ARHGAP24: variants seen among roughly 807,000 people sequenced by gnomAD.
ARHGAP24 encodes the protein Rho GTPase activating protein 24, also known as rho GTPase-activating protein 24.
Under a neutral mutation model 76.4 loss-of-function variants are expected in ARHGAP24, and 50 were observed. The observed-to-expected ratio is 0.65, with a 90% CI of 0.52 to 0.83. ARHGAP24 has a LOEUF of 0.83. Ranked by LOEUF, ARHGAP24 falls within the 40% of genes least tolerant of loss-of-function variation. The pLI, the probability that ARHGAP24 is intolerant of heterozygous loss-of-function variation, is 0.00. For missense variants in ARHGAP24, 930 were observed against 914.2 expected, an observed-to-expected ratio of 1.02 and a Z score of -0.22; for synonymous variants, 345 against 323.3, an observed-to-expected ratio of 1.07 and a Z score of -0.72.
At chr4:85,981,997 G>A (rs1201402686) in intron 8 of ARHGAP24, among the ~76,000 whole-genome samples, 4 of 151,984 alleles carry the variant, frequency 2.6e-5, no homozygotes, top group Non-Finnish European at 4.4e-5. Flanking sequence ...CTGACATCAT[G>A]CAGGCCTTGT....
rs1735850369 is a variant in ARHGAP24 at position 85,923,568 on chromosome 4, G to A, written c.269-80G>A. ...GCGGGCTGTATTAGGCACAGTCTCTGTTTCAGGGGTTCTTCTGGAGGCTGA... is the reference window on the plus strand; with the variant it reads ...GCGGGCTGTATTAGGCACAGTCTCTATTTCAGGGGTTCTTCTGGAGGCTGA... On this transcript the variant is annotated intron_variant, in intron 3 of 9. Coordinates refer to ENST00000395184, the MANE Select transcript of ARHGAP24 (RefSeq NM_001025616.3). 1.9e-6 allele frequency: 3 copies of A among 1,594,360 alleles called. No homozygotes were observed. In the South Asian group the frequency reaches 3.4e-5, roughly 18 times the overall value.
intron 3 of ARHGAP24, among the ~76,000 whole-genome samples, chr4:85,878,809 T>A (rs1733080297): frequency 6.6e-6 from 1 of 152,220 alleles, no homozygotes; most frequent in South Asian, 2.1e-4. Flanking sequence ...TAAGTTTGTC[T>A]TCTCCCTGCA....
chr4:85,581,108 A>G (rs998439761), intron 2 of ARHGAP24, among the ~76,000 whole-genome samples: 2 of 152,148 alleles, frequency 1.3e-5, no homozygotes, highest in African/African-American at 2.4e-5. Flanking sequence ...TCTTATGATT[A>G]TTAACTTGAA....
At chr4:85,937,254 G>C (rs1030847558) in intron 4 of ARHGAP24, among the ~76,000 whole-genome samples, 4 of 152,196 alleles carry the variant, frequency 2.6e-5, no homozygotes, top group African/African-American at 9.7e-5. Flanking sequence ...TGAAGGAAGA[G>C]GAATGTAGGT....
intron 2 of ARHGAP24, among the ~76,000 whole-genome samples, chr4:85,697,862 T>A (rs764014754): frequency 9.9e-5 from 15 of 151,916 alleles, no homozygotes; most frequent in Non-Finnish European, 2.1e-4. Context: ...TGAAGGGAGG[T>A]GTCAGAGAGT....
At chr4:85,588,182 G>C (rs542560051) in intron 2 of ARHGAP24, among the ~76,000 whole-genome samples, 3 of 152,322 alleles carry the variant, frequency 2.0e-5, no homozygotes, top group South Asian at 4.1e-4. Flanking sequence ...AAGAGGCAGA[G>C]TTGCTTTTCT....
intron 1 of ARHGAP24, among the ~76,000 whole-genome samples, chr4:85,491,652 G>C (rs905034063): frequency 1.3e-5 from 2 of 152,158 alleles, no homozygotes; most frequent in Non-Finnish European, 2.9e-5. Flanking sequence ...GGAACTGATG[G>C]TTTTTATCTA....
At position 85,886,993 on chromosome 4, in the gene ARHGAP24, A is replaced by G. The variant is rs1403609606; in HGVS notation, c.269-36655A>G. On this transcript the variant is annotated intron_variant, in intron 3 of 9. Transcript: ENST00000395184. ...TCATTATCAATCAGATAATGATTGCATTGACTAGCTTTGGTACCATTTTTA... is the reference window on the plus strand; with the variant it reads ...TCATTATCAATCAGATAATGATTGCGTTGACTAGCTTTGGTACCATTTTTA... Among the ~76,000 whole-genome samples, 5 of 152,106 alleles carry G rather than the reference A, an allele frequency of 3.3e-5. No individual in the cohort carries two copies. In the East Asian group the frequency reaches 9.6e-4, roughly 29 times the overall value.
intron 3 of ARHGAP24, among the ~76,000 whole-genome samples, chr4:85,837,640 C>T (rs1293291237): frequency 6.6e-6 from 1 of 152,124 alleles, no homozygotes; most frequent in Non-Finnish European, 1.5e-5. Context: ...TTGCAGTTCT[C>T]ATGGGGGTGG....
intron 3 of ARHGAP24, among the ~76,000 whole-genome samples, chr4:85,730,972 C>G (rs928526749): frequency 2.4e-4 from 35 of 148,646 alleles, no homozygotes; most frequent in African/African-American, 7.5e-4. Flanking sequence ...TACAATGACT[C>G]ATTTAATATA....
chr4:85,485,347 C>A (rs1422791261), intron 1 of ARHGAP24, among the ~76,000 whole-genome samples: 2 of 6,724 alleles, frequency 3.0e-4, no homozygotes, highest in South Asian at 0.021. Context: ...GACTCCATCT[C>A]AAAAAAAAAA....
Position 85,570,640 on chromosome 4 carries a change from C to G in ARHGAP24, c.99C>G (p.Val33=), listed in dbSNP as rs1050989104. ...CGWLRKQGGF[V]KTWHTRWFVL... ...GGCTGAGGAAGCAAGGAGGCTTTGT[C>G]AAGACTTGGCATACTCGCTGGTTTG... is the stretch of plus-strand genomic sequence containing the variant. The change falls in exon 2 of 10, where the codon GTC becomes GTG. Residue 33 remains valine, a synonymous_variant. Transcript: ENST00000395184. 8 of 1,614,086 alleles carry G rather than the reference C, an allele frequency of 5.0e-6. No homozygotes were observed. The highest frequency in any genetic ancestry group is 2.2e-5 in the East Asian group (1 of 44,884).
In ARHGAP24 at chr4:85,962,751, A is replaced by G. The variant is rs1387347994; in HGVS notation, c.600-9285A>G. On this transcript the variant is annotated intron_variant, in intron 5 of 9. Transcript: ENST00000395184. Reference sequence around the variant, plus strand: ...GGATGTTACTTCATTATGACTCCCAATCTAGATCTAGAATGCCCATGTTTA... The same window carrying G: ...GGATGTTACTTCATTATGACTCCCAGTCTAGATCTAGAATGCCCATGTTTA... Among the ~76,000 whole-genome samples the G allele has an allele frequency of 2.6e-5, 4 of 151,262 alleles. No individual in the cohort carries two copies. In the East Asian group the frequency reaches 5.8e-4, roughly 22 times the overall value.
chr4:85,763,679 C>T (rs1220943002), intron 3 of ARHGAP24, among the ~76,000 whole-genome samples: 1 of 151,936 alleles, frequency 6.6e-6, no homozygotes, highest in Non-Finnish European at 1.5e-5. Flanking sequence ...AAATACTTCT[C>T]CCAAAATATT....
intron 6 of ARHGAP24, among the ~76,000 whole-genome samples, chr4:85,973,833 GTTTTTT>G (rs1199796194): frequency 2.1e-4 from 9 of 42,824 alleles, no homozygotes; most frequent in South Asian, 1.1e-3. Flanking sequence ...GCTGCCTATT[GTTTTTT>G]TTTTTTTTTT....
intron 3 of ARHGAP24, among the ~76,000 whole-genome samples, chr4:85,781,618 A>G (rs1727558833): frequency 6.9e-6 from 1 of 145,686 alleles, no homozygotes; most frequent in Admixed American, 6.9e-5. Flanking sequence ...AATTTTTCCT[A>G]AGTGTTAAAG....
chr4:85,511,680 G>A (rs957404477), intron 1 of ARHGAP24, among the ~76,000 whole-genome samples: 4 of 152,010 alleles, frequency 2.6e-5, no homozygotes, highest in African/African-American at 9.7e-5. Context: ...GGTCAGGTTG[G>A]TCTCAGTCTC....
chr4:85,547,214 C>G (rs2110126528), intron 1 of ARHGAP24, among the ~76,000 whole-genome samples: 1 of 152,296 alleles, frequency 6.6e-6, no homozygotes. Flanking sequence ...CTTTAGTGTA[C>G]TTTCACCTGG....
intron 5 of ARHGAP24, among the ~76,000 whole-genome samples, chr4:85,968,409 A>T (rs115913045): frequency 1.2e-3 from 179 of 152,272 alleles, no homozygotes; most frequent in African/African-American, 4.1e-3. Flanking sequence ...TTTCTCTGAG[A>T]CAAAGATGGC....
Sources: gnomAD v4.1 joint callset for allele counts (sites outside exome capture counted in the v4.1 genomes callset) on GRCh38, gnomAD v4.1.1 for gene constraint, MANE v1.5 for transcripts, NCBI Gene and HGNC (gene_info 2026-07-23, HGNC 2026-07-21) for gene names.